TMPRSS11A: variants seen among roughly 807,000 people sequenced by gnomAD.
The protein encoded by TMPRSS11A is transmembrane protease serine 11A.
Under a neutral mutation model 58.9 loss-of-function variants are expected in TMPRSS11A, and 53 were observed. The observed-to-expected ratio is 0.90, with a 90% CI of 0.72 to 1.13. The LOEUF (loss-of-function observed/expected upper bound fraction) is 1.13, where lower values mean the gene tolerates loss of function less well. Among genes scored for constraint, TMPRSS11A ranks in the 50% most tolerant of loss-of-function variants. TMPRSS11A has a pLI of 0.00. For missense variants in TMPRSS11A, 493 were observed against 499.3 expected (o/e 0.99, Z 0.12); for synonymous variants, 167 against 169.8 (o/e 0.98, Z 0.13).
intron 4 of TMPRSS11A, among the ~76,000 whole-genome samples, chr4:67,930,829 T>TTCA (rs1265700805): frequency 2.2e-5 from 2 of 90,158 alleles, no homozygotes; most frequent in African/African-American, 4.7e-5. Flanking sequence ...TTTTTTTTTT[T>TTCA]ACAAAAAAAA....
At position 67,924,711 on chromosome 4, in the gene TMPRSS11A, G is replaced by A. The variant is rs115994432; in HGVS notation, c.482-545C>T. ...TCAGAGAATGTGAGCCAAGTGAAAG[G>A]GGAAGCCTCTTATAAAACCATCAGA... is the stretch of plus-strand genomic sequence containing the variant. On this transcript the variant is annotated intron_variant, in intron 5 of 9. Coordinates refer to ENST00000508048, the MANE Select transcript of TMPRSS11A (RefSeq NM_001114387.2). Among the ~76,000 whole-genome samples, 1,389 of 152,268 alleles carry A rather than the reference G, an allele frequency of 9.1e-3. 16 individuals carry two copies. The highest frequency in any genetic ancestry group is 0.031 in the African/African-American group (1,302 of 41,528).
intron 3 of TMPRSS11A, among the ~76,000 whole-genome samples, chr4:67,934,779 C>G (rs968806321): frequency 6.6e-6 from 1 of 152,146 alleles, no homozygotes; most frequent in Non-Finnish European, 1.5e-5. Flanking sequence ...AGCTTTCATT[C>G]CTGAATTAAC....
chr4:67,942,516 T>C (rs957646016), intron 3 of TMPRSS11A, among the ~76,000 whole-genome samples: 2 of 152,182 alleles, frequency 1.3e-5, no homozygotes, highest in African/African-American at 4.8e-5. Flanking sequence ...TGAGAAATAA[T>C]TGTTTGTTGT....
At chr4:67,923,440 A>C (rs1720384206) in intron 6 of TMPRSS11A, among the ~76,000 whole-genome samples, 1 of 152,248 alleles carries the variant, frequency 6.6e-6, no homozygotes, top group Non-Finnish European at 1.5e-5. Context: ...TTCAAAATTT[A>C]GGCCACAGTG....
At chr4:67,912,050 T>C (rs1719994442) in intron 9 of TMPRSS11A, among the ~76,000 whole-genome samples, 1 of 152,196 alleles carries the variant, frequency 6.6e-6, no homozygotes, top group African/African-American at 2.4e-5. Flanking sequence ...AGTGTGTAAA[T>C]TTTATTAATT....
In TMPRSS11A at chr4:67,914,588, C is replaced by T; in HGVS notation, c.1095G>A (p.Arg365=). ...ATATAAAAAAATCCCTCCAACTTACCCTGCAGGCATCATAAATTCCTTCCA... is the reference window on the plus strand; with the variant it reads ...ATATAAAAAAATCCCTCCAACTTACTCTGCAGGCATCATAAATTCCTTCCA... ...GYMEGIYDAC[R]GDSGGPLVTR... Residue 365 remains arginine, a splice_region_variant and synonymous_variant, in exon 9 of 10, where the codon AGG becomes AGA. Transcript: ENST00000508048. 6.2e-7 allele frequency: 1 copy of T among 1,613,046 alleles called. No individual in the cohort carries two copies. The highest frequency in any genetic ancestry group is 1.1e-5 in the South Asian group (1 of 90,828).
intron 1 of TMPRSS11A, 68 bp downstream of exon 1, chr4:67,963,315 C>A (rs989670949): frequency 6.4e-7 from 1 of 1,559,300 alleles, no homozygotes; most frequent in Non-Finnish European, 8.8e-7. Flanking sequence ...TCCTCTTACA[C>A]ATCAGGAATC....
At chr4:67,944,939 A>G (rs978329220) in intron 2 of TMPRSS11A, among the ~76,000 whole-genome samples, 3 of 152,218 alleles carry the variant, frequency 2.0e-5, no homozygotes, top group Non-Finnish European at 4.4e-5. Context: ...GCACAGAGGC[A>G]TTAAGTAAAT....
chr4:67,916,551 G>T (rs566055123), intron 8 of TMPRSS11A, among the ~76,000 whole-genome samples: 74 of 152,176 alleles, frequency 4.9e-4, no homozygotes, highest in Middle Eastern at 3.4e-3. Flanking sequence ...ATGGCCTGGC[G>T]CGCGGTGGCT....
At chr4:67,956,431 C>A (rs2109771627) in intron 1 of TMPRSS11A, among the ~76,000 whole-genome samples, 1 of 152,238 alleles carries the variant, frequency 6.6e-6, no homozygotes, top group East Asian at 1.9e-4. Flanking sequence ...TTCATATCTC[C>A]AGTGGGTCAA....
chr4:67,931,614 T>C (rs1459086497), intron 4 of TMPRSS11A, among the ~76,000 whole-genome samples: 1 of 152,218 alleles, frequency 6.6e-6, no homozygotes, highest in Non-Finnish European at 1.5e-5. Context: ...CTGCTTAACG[T>C]GGTTGAAATA....
chr4:67,921,297 T>TTC (rs1720323710), intron 7 of TMPRSS11A, among the ~76,000 whole-genome samples: 1 of 152,322 alleles, frequency 6.6e-6, no homozygotes, highest in Non-Finnish European at 1.5e-5. Context: ...TCTCACATCT[T>TTC]TCAAACATTA....
chr4:67,961,713 A>G (rs1014190551), intron 1 of TMPRSS11A, among the ~76,000 whole-genome samples: 2 of 151,766 alleles, frequency 1.3e-5, no homozygotes, highest in African/African-American at 2.4e-5. Flanking sequence ...GGGTTTCACT[A>G]TCTTGGCCAG....
Position 67,931,830 on chromosome 4 carries a change from C to T in TMPRSS11A, c.320+163G>A, listed in dbSNP as rs373495749. ...AATCTTAGTCTTTTTGTTGACAAAA[C>T]GGTGGTCAGCCCTATACTTCAAGAC... On this transcript the variant is annotated intron_variant, in intron 4 of 9. Transcript: ENST00000508048. Among the ~76,000 whole-genome samples, 437 of 152,194 alleles carry T rather than the reference C, an allele frequency of 2.9e-3. 1 individual carries two copies. Among genetic ancestry groups the T allele is most frequent in the Non-Finnish European group, 4.6e-3 (313 of 67,992 alleles).
intron 3 of TMPRSS11A, among the ~76,000 whole-genome samples, chr4:67,944,307 T>C (rs1261858934): frequency 6.6e-6 from 1 of 152,040 alleles, no homozygotes; most frequent in Non-Finnish European, 1.5e-5. Flanking sequence ...GAATCACCCA[T>C]TTGTTAGACA....
At chr4:67,945,453 A>G (rs1012416252) in intron 2 of TMPRSS11A, among the ~76,000 whole-genome samples, 1 of 152,190 alleles carries the variant, frequency 6.6e-6, no homozygotes, top group Non-Finnish European at 1.5e-5. Context: ...AAATCTCTGG[A>G]CCTTGTAATA....
intron 5 of TMPRSS11A, among the ~76,000 whole-genome samples, chr4:67,927,683 G>A (rs938945143): frequency 6.6e-6 from 1 of 152,186 alleles, no homozygotes; most frequent in Non-Finnish European, 1.5e-5. Flanking sequence ...GAGGTTTCTG[G>A]CCAGAAAAGC....
chr4:67,918,028 A>C (rs1577851903), intron 8 of TMPRSS11A, among the ~76,000 whole-genome samples: 1 of 152,286 alleles, frequency 6.6e-6, no homozygotes, highest in South Asian at 2.1e-4. Flanking sequence ...AGACCCTAAA[A>C]CCGATTCCTG....
intron 1 of TMPRSS11A, among the ~76,000 whole-genome samples, chr4:67,957,173 C>T (rs111907236): frequency 1.2e-4 from 19 of 152,228 alleles, no homozygotes; most frequent in South Asian, 8.3e-4. Flanking sequence ...AGTGTGAAAA[C>T]GGACTAATAC....
Sources: allele counts gnomAD v4.1 joint callset (sites outside exome capture counted in the v4.1 genomes callset), GRCh38; gene constraint gnomAD v4.1.1; transcripts MANE v1.5; gene names NCBI Gene and HGNC (gene_info 2026-07-23, HGNC 2026-07-21).